PDE4D: variants seen among roughly 807,000 people sequenced by gnomAD.
PDE4D encodes 3',5'-cyclic-AMP phosphodiesterase 4D.
A neutral mutation model predicts 87.4 loss-of-function variants in PDE4D; 24 were observed. The ratio of observed to expected loss-of-function variants is 0.27; its 90% CI spans 0.20 to 0.39. The LOEUF (loss-of-function observed/expected upper bound fraction) is 0.39, where lower values mean the gene tolerates loss of function less well. PDE4D is among the 10% of genes least tolerant of loss of function. The pLI, the probability that PDE4D is intolerant of heterozygous loss-of-function variation, is 1.00. For synonymous variants in PDE4D, 384 were observed against 383.2 expected (o/e 1.00, Z -0.02); for missense variants, 714 against 1,041.0 (o/e 0.69, Z 4.32).
At chr5:59,054,851 G>C (rs1391084433) in intron 5 of PDE4D, among the ~76,000 whole-genome samples, 1 of 152,054 alleles carries the variant, frequency 6.6e-6, no homozygotes, top group Non-Finnish European at 1.5e-5. Context: ...AAATTACCTT[G>C]CTTAATAAAT....
intron 1 of PDE4D, among the ~76,000 whole-genome samples, chr5:59,534,300 AAAT>A (rs1814752131): frequency 6.6e-6 from 1 of 152,214 alleles, no homozygotes; most frequent in South Asian, 2.1e-4. Flanking sequence ...AGAGTCTTAA[AAAT>A]ATGGGTATTT....
intron 1 of PDE4D, among the ~76,000 whole-genome samples, chr5:60,260,654 C>T (rs928142867): frequency 6.6e-6 from 1 of 152,024 alleles, no homozygotes; most frequent in Non-Finnish European, 1.5e-5. Context: ...TCAATCTGCT[C>T]AAGTGCCATG....
intron 3 of PDE4D, among the ~76,000 whole-genome samples, chr5:59,949,434 C>CAAAAAAAAA (rs59654913): frequency 1.2e-4 from 7 of 57,592 alleles, no homozygotes; most frequent in African/African-American, 3.0e-4. Flanking sequence ...CTCCGTCTCA[C>CAAAAAAAAA]AAAAAAAAAA....
At chr5:59,262,392 C>T (rs1762158269) in intron 1 of PDE4D, among the ~76,000 whole-genome samples, 1 of 151,884 alleles carries the variant, frequency 6.6e-6, no homozygotes, top group Non-Finnish European at 1.5e-5. Context: ...CTGTACAATA[C>T]TAAAACAAAT....
At chr5:59,292,402 C>T (rs1768209957) in intron 1 of PDE4D, among the ~76,000 whole-genome samples, 1 of 152,130 alleles carries the variant, frequency 6.6e-6, no homozygotes, top group Non-Finnish European at 1.5e-5. Flanking sequence ...GGCCTCACTA[C>T]TTATATCTAA....
intron 1 of PDE4D, among the ~76,000 whole-genome samples, chr5:60,393,288 C>T (rs1455437100): frequency 2.0e-5 from 3 of 152,162 alleles, no homozygotes; most frequent in Non-Finnish European, 4.4e-5. Context: ...ACTGATTTCA[C>T]ATTGCCTGAT....
intron 1 of PDE4D, among the ~76,000 whole-genome samples, chr5:59,572,731 C>T (rs530172837): frequency 5.3e-5 from 8 of 152,308 alleles, no homozygotes; most frequent in South Asian, 2.1e-4. Context: ...CCACCCGCCT[C>T]GGCCTCCCAA....
intron 3 of PDE4D, among the ~76,000 whole-genome samples, chr5:59,982,818 T>C (rs1056347416): frequency 6.6e-6 from 1 of 152,196 alleles, no homozygotes; most frequent in Non-Finnish European, 1.5e-5. Flanking sequence ...CAAGAGTTAT[T>C]TGTAGAGTAT....
chr5:60,086,279 T>C (rs1031058007), intron 2 of PDE4D, among the ~76,000 whole-genome samples: 2 of 152,244 alleles, frequency 1.3e-5, no homozygotes, highest in Non-Finnish European at 2.9e-5. Flanking sequence ...AAATACTATT[T>C]AGGCTTTCTG....
chr5:59,995,540 A>T (rs923022530), intron 2 of PDE4D, among the ~76,000 whole-genome samples: 2 of 151,890 alleles, frequency 1.3e-5, no homozygotes, highest in Admixed American at 6.6e-5. Context: ...GGCTGGTCTC[A>T]AACTCTTGAC....
chr5:59,487,987 A>G (rs148341669), intron 1 of PDE4D, among the ~76,000 whole-genome samples: 72 of 152,220 alleles, frequency 4.7e-4, no homozygotes, highest in African/African-American at 1.6e-3. Context: ...TCAGACACAC[A>G]GTGTGTACAC....
At chr5:60,266,705 A>T (rs1387102750) in intron 1 of PDE4D, among the ~76,000 whole-genome samples, 1 of 152,208 alleles carries the variant, frequency 6.6e-6, no homozygotes, top group Non-Finnish European at 1.5e-5. Flanking sequence ...CAATCTAGTC[A>T]ATAAGTTTCA....
At chr5:60,418,438 A>G (rs944219428) in intron 1 of PDE4D, among the ~76,000 whole-genome samples, 1 of 152,190 alleles carries the variant, frequency 6.6e-6, no homozygotes, top group Non-Finnish European at 1.5e-5. Context: ...CAACCACAGC[A>G]ACCACAGTAA....
At chr5:60,002,805 C>G (rs1472682641) in intron 2 of PDE4D, among the ~76,000 whole-genome samples, 1 of 152,178 alleles carries the variant, frequency 6.6e-6, no homozygotes, top group East Asian at 1.9e-4. Context: ...TTTGAGAAGC[C>G]CACAGCTAAC....
chr5:60,252,154 A>G (rs1441978343), intron 1 of PDE4D, among the ~76,000 whole-genome samples: 1 of 151,962 alleles, frequency 6.6e-6, no homozygotes, highest in African/African-American at 2.4e-5. Context: ...CAATGTTTGC[A>G]CAATGACAAA....
chr5:60,115,293 G>A (rs1333965285), intron 2 of PDE4D, among the ~76,000 whole-genome samples: 1 of 152,068 alleles, frequency 6.6e-6, no homozygotes, highest in East Asian at 1.9e-4. Context: ...TCACTGCTGT[G>A]TTTGGCATCA....
chr5:59,448,542 C>G (rs1798674823), intron 1 of PDE4D, among the ~76,000 whole-genome samples: 1 of 152,198 alleles, frequency 6.6e-6, no homozygotes. Context: ...AAAGAACACT[C>G]TTTTGCAGTG....
chr5:59,852,304 A>G (rs1744796221), intron 1 of PDE4D, among the ~76,000 whole-genome samples: 1 of 152,086 alleles, frequency 6.6e-6, no homozygotes, highest in Non-Finnish European at 1.5e-5. Flanking sequence ...CCTATGTGAA[A>G]AAAAGGATAC....
intron 1 of PDE4D, among the ~76,000 whole-genome samples, chr5:60,226,706 T>C (rs1745148350): frequency 6.6e-6 from 1 of 151,986 alleles, no homozygotes; most frequent in Non-Finnish European, 1.5e-5. Context: ...GAATGTGGTT[T>C]CAAGAGTGGT....
Sources: gnomAD v4.1 joint callset for allele counts (sites outside exome capture counted in the v4.1 genomes callset) on GRCh38, gnomAD v4.1.1 for gene constraint, MANE v1.5 for transcripts, NCBI Gene and HGNC (gene_info 2026-07-23, HGNC 2026-07-21) for gene names.